GPR107: variants seen among roughly 807,000 people sequenced by gnomAD.
GPR107 encodes the protein G protein-coupled receptor 107, also known as protein GPR107.
A neutral mutation model predicts 75.5 loss-of-function variants in GPR107; 31 were observed. The ratio of observed to expected loss-of-function variants is 0.41; its 90% CI spans 0.31 to 0.55. GPR107 has a LOEUF of 0.55. Ranked by LOEUF, GPR107 falls within the 20% of genes least tolerant of loss-of-function variation. The pLI is 0.26. For missense variants in GPR107, 572 were observed against 665.7 expected, an observed-to-expected ratio of 0.86 and a Z score of 1.55; for synonymous variants, 267 against 251.3, an observed-to-expected ratio of 1.06 and a Z score of -0.59.
chr9:130,080,927 T>C (rs1225891213), intron 5 of GPR107, among the ~76,000 whole-genome samples: 2 of 151,084 alleles, frequency 1.3e-5, no homozygotes, highest in Non-Finnish European at 3.0e-5. Flanking sequence ...AGATAATTTA[T>C]GGCCAGGTGC....
intron 1 of GPR107, among the ~76,000 whole-genome samples, chr9:130,054,429 C>T (rs934796326): frequency 3.9e-5 from 6 of 152,218 alleles, no homozygotes; most frequent in Non-Finnish European, 8.8e-5. Flanking sequence ...AGCTTTTATG[C>T]TGGCTTTCCT....
At chr9:130,127,167 T>C (rs566606606) in intron 15 of GPR107, among the ~76,000 whole-genome samples, 1 of 152,288 alleles carries the variant, frequency 6.6e-6, no homozygotes, top group East Asian at 1.9e-4. Flanking sequence ...TCTTTGGAGA[T>C]TGAAATCAAG....
At chr9:130,109,568 TTTC>T (rs370543081) in intron 14 of GPR107, among the ~76,000 whole-genome samples, 486 of 28,956 alleles carry the variant, frequency 0.017, 9 homozygotes, top group East Asian at 0.11. Context: ...AGTCTTTTTC[TTTC>T]TTTTTTTTTT....
intron 15 of GPR107, 68 bp from the exon 16 acceptor site, chr9:130,127,415 C>A: frequency 1.2e-6 from 1 of 836,862 alleles, no homozygotes; most frequent in Non-Finnish European, 2.1e-6. Context: ...TTTGTGAAAG[C>A]AAATTGTTAA....
intron 5 of GPR107, 26 bp downstream of exon 5, chr9:130,079,795 T>C: frequency 6.6e-7 from 1 of 1,520,132 alleles, no homozygotes; most frequent in Non-Finnish European, 8.9e-7. Flanking sequence ...GAAACTGGCT[T>C]TCAGTTTTCA....
chr9:130,134,913 T>C (rs1362709602), intron 17 of GPR107, 112 bp from the exon 18 acceptor site: 2 of 711,112 alleles, frequency 2.8e-6, no homozygotes, highest in African/African-American at 1.7e-5. Context: ...AGATTTTGTC[T>C]GTTTCAAAAA....
At chr9:130,067,201 T>A (rs1322656163) in intron 1 of GPR107, among the ~76,000 whole-genome samples, 8 of 152,170 alleles carry the variant, frequency 5.3e-5, no homozygotes, top group Non-Finnish European at 1.2e-4. Context: ...TTGAGACTAC[T>A]GAGCTAATAA....
chr9:130,087,336 T>G (rs531296737), intron 7 of GPR107, among the ~76,000 whole-genome samples: 1 of 152,208 alleles, frequency 6.6e-6, no homozygotes, highest in African/African-American at 2.4e-5. Context: ...CCTTGCCTGG[T>G]CTCACTTACT....
intron 5 of GPR107, among the ~76,000 whole-genome samples, chr9:130,083,045 C>T (rs1380810018): frequency 1.3e-5 from 2 of 151,948 alleles, no homozygotes; most frequent in Non-Finnish European, 1.5e-5. Flanking sequence ...GTCAGCCTCC[C>T]GAGTAGCTGG....
At chr9:130,078,740 A>C (rs1456831859) in intron 4 of GPR107, among the ~76,000 whole-genome samples, 1 of 152,208 alleles carries the variant, frequency 6.6e-6, no homozygotes, top group Non-Finnish European at 1.5e-5. Flanking sequence ...ATATCCAGCC[A>C]AGGGACAGAG....
intron 1 of GPR107, among the ~76,000 whole-genome samples, chr9:130,070,166 T>A (rs1830171776): frequency 6.7e-6 from 1 of 148,480 alleles, no homozygotes; most frequent in Non-Finnish European, 1.5e-5. Context: ...CCGGCTAATT[T>A]TTTTTTTTTT....
rs1588093018 is a variant in GPR107, at chr9:130,139,122, C to T, written c.*4001C>T. Reference sequence around the variant, plus strand: ...GACCCGCCCCTGGCCTTGTAAGACTCACGTAAGCTAAGTCCAGGATGCCTG... The same window carrying T: ...GACCCGCCCCTGGCCTTGTAAGACTTACGTAAGCTAAGTCCAGGATGCCTG... On this transcript the variant is annotated 3_prime_UTR_variant, in exon 18 of 18. Transcript: ENST00000347136. 1 of 152,318 alleles carries T rather than the reference C, an allele frequency of 6.6e-6. No individual in the cohort carries two copies. Among genetic ancestry groups the T allele is most frequent in the Non-Finnish European group, 1.5e-5 (1 of 68,074 alleles). 9.4% of individuals were successfully genotyped at this position (152,318 alleles called of 1,614,324 possible). A position where few individuals can be genotyped will look rare whatever the true frequency, so the allele number is the denominator to read the frequency against.
chr9:130,063,039 A>G (rs984903823), intron 1 of GPR107, among the ~76,000 whole-genome samples: 1 of 152,222 alleles, frequency 6.6e-6, no homozygotes, highest in South Asian at 2.1e-4. Flanking sequence ...TTTAATACCA[A>G]TGTCTGGCGT....
At chr9:130,100,812 T>C (rs1831009267) in intron 11 of GPR107, 110 bp downstream of exon 11, 1 of 780,204 alleles carries the variant, frequency 1.3e-6, no homozygotes, top group South Asian at 1.5e-5. Context: ...TGGCAGCCTG[T>C]CTGGGCCCCT....
chr9:130,061,430 G>T (rs535242921), intron 1 of GPR107, among the ~76,000 whole-genome samples: 58 of 152,300 alleles, frequency 3.8e-4, no homozygotes, highest in African/African-American at 1.3e-3. Context: ...GGAACAGGAA[G>T]TGCAAAGTCC....
intron 14 of GPR107, among the ~76,000 whole-genome samples, chr9:130,117,832 G>A (rs1831462588): frequency 1.3e-5 from 2 of 152,100 alleles, no homozygotes; most frequent in African/African-American, 4.8e-5. Context: ...AATTTTTCAC[G>A]CTTTAAGTGG....
intron 13 of GPR107, among the ~76,000 whole-genome samples, chr9:130,104,923 G>A (rs1377049449): frequency 6.6e-6 from 1 of 152,174 alleles, no homozygotes; most frequent in Non-Finnish European, 1.5e-5. Context: ...GGAAAATGAG[G>A]AAGTTCATTA....
chr9:130,067,752 CTT>C (rs11409264), intron 1 of GPR107, among the ~76,000 whole-genome samples: 2 of 116,840 alleles, frequency 1.7e-5, no homozygotes, highest in African/African-American at 6.4e-5. Flanking sequence ...CCACCGCCCC[CTT>C]TTTTTTTTTT....
intron 1 of GPR107, among the ~76,000 whole-genome samples, chr9:130,070,558 C>G (rs922250915): frequency 6.6e-6 from 1 of 152,118 alleles, no homozygotes; most frequent in Non-Finnish European, 1.5e-5. Flanking sequence ...CCTGCCTTGA[C>G]CCCCCAAAGT....
Sources: allele counts gnomAD v4.1 joint callset (sites outside exome capture counted in the v4.1 genomes callset), GRCh38; gene constraint gnomAD v4.1.1; transcripts MANE v1.5; gene names NCBI Gene and HGNC (gene_info 2026-07-23, HGNC 2026-07-21).